The following SCARB2 variants were observed in gnomAD, a reference collection of about 807,000 sequenced individuals.
SCARB2 encodes the protein lysosome membrane protein 2.
In SCARB2, 29 loss-of-function variants were observed where a neutral mutation model predicts 58.6. The observed-to-expected ratio is 0.49, with a 90% CI of 0.37 to 0.67. SCARB2 has a LOEUF of 0.67. Ranked by LOEUF, SCARB2 falls within the 30% of genes least tolerant of loss-of-function variation. SCARB2 has a pLI of 0.00. For synonymous variants in SCARB2, 195 were observed against 210.1 expected, an observed-to-expected ratio of 0.93 and a Z score of 0.62; for missense variants, 488 against 578.5, an observed-to-expected ratio of 0.84 and a Z score of 1.60.
At chr4:76,227,278 T>C (rs1394391232) in intron 1 of SCARB2, among the ~76,000 whole-genome samples, 1 of 152,214 alleles carries the variant, frequency 6.6e-6, no homozygotes, top group African/African-American at 2.4e-5. Context: ...TCATTGTTGT[T>C]CCAAAGATCA....
chr4:76,166,550 A>G (rs1358626457), intron 9 of SCARB2: 6 of 572,866 alleles, frequency 1.0e-5, no homozygotes, highest in African/African-American at 7.5e-5. Context: ...AATGATGACT[A>G]GTCTCCTTAG....
At position 76,227,884 on chromosome 4, in the gene SCARB2, C is replaced by CT. The variant is rs1473033570; in HGVS notation, c.-358+6418dup. On this transcript the variant is annotated intron_variant, in intron 1 of 11. Transcript: ENST00000638295. ...TTTGGTGTTCATTTGCCTAGAATAT[C>CT]TTTTTCTAGCCCATTACATTAAGTT... Among the ~76,000 whole-genome samples the CT allele has an allele frequency of 5.3e-5, 8 of 152,240 alleles. No homozygotes were observed. In the East Asian group the frequency reaches 9.6e-4, roughly 18 times the overall value.
chr4:76,166,304 A>T lies in SCARB2; in HGVS notation c.1188-3T>A. On this transcript the variant is annotated splice_polypyrimidine_tract_variant and splice_region_variant and intron_variant, in intron 9 of 11. Coordinates refer to ENST00000264896, the MANE Select transcript of SCARB2 (RefSeq NM_005506.4). Reference sequence around the variant, plus strand: ...TGGTTCTAATGTCTCCCGTTTCACTACAAAGACAAAGGATGAGATTGTTTC... The same window carrying T: ...TGGTTCTAATGTCTCCCGTTTCACTTCAAAGACAAAGGATGAGATTGTTTC... 1 of 1,614,036 alleles carries T rather than the reference A, an allele frequency of 6.2e-7. No homozygotes were observed. The highest frequency in any genetic ancestry group is 1.1e-5 in the South Asian group (1 of 91,078).
chr4:76,216,391 C>G (rs900704267), upstream of SCARB2, among the ~76,000 whole-genome samples: 2 of 152,178 alleles, frequency 1.3e-5, no homozygotes, highest in African/African-American at 4.8e-5. Flanking sequence ...AACTTCCACC[C>G]CCTACTCTCT....
In SCARB2 at chr4:76,221,349, G is replaced by A. The variant is rs113760979; in HGVS notation, c.-358+12954C>T. ...TTTGGCATGGGGGAGATGAAGTTTCGCTCTTGTTGCTCAGGATGGAGTGCA... is the reference window on the plus strand; with the variant it reads ...TTTGGCATGGGGGAGATGAAGTTTCACTCTTGTTGCTCAGGATGGAGTGCA... On this transcript the variant is annotated intron_variant, in intron 1 of 11. Coordinates refer to the SCARB2 transcript ENST00000638295. Among the ~76,000 whole-genome samples the A allele has an allele frequency of 1.0e-3, 153 of 152,118 alleles. 1 individual carries two copies. Among genetic ancestry groups the A allele is most frequent in the African/African-American group, 3.5e-3 (144 of 41,476 alleles).
chr4:76,218,360 G>A (rs766325836), upstream of SCARB2, among the ~76,000 whole-genome samples: 112 of 152,278 alleles, frequency 7.4e-4, 1 homozygote, highest in Non-Finnish European at 1.2e-3. Context: ...TCATTCCAAA[G>A]TTCTTACATT....
rs570440025 is a variant in SCARB2, at chr4:76,198,882, G to A, written c.118-3018C>T. ...TGTGTGTGTGTGTGTGTGCTCATGC[G>A]AATGCACTAAGTAGGAAGAGAGATG... On this transcript the variant is annotated intron_variant, in intron 1 of 11. Coordinates refer to ENST00000264896, the MANE Select transcript of SCARB2 (RefSeq NM_005506.4). Among the ~76,000 whole-genome samples the A allele has an allele frequency of 7.3e-5, 11 of 150,228 alleles. No individual in the cohort carries two copies. In the East Asian group the frequency reaches 8.0e-4, roughly 11 times the overall value.
chr4:76,179,495 C>T (rs746287401), intron 4 of SCARB2, 22 bp downstream of exon 4: 2 of 1,587,472 alleles, frequency 1.3e-6, no homozygotes, highest in African/African-American at 2.7e-5. Context: ...AAAAGAGGTT[C>T]TGAAAAGAAA....
At chr4:76,176,725 C>A in intron 4 of SCARB2, 197 bp from the exon 5 acceptor site, 1 of 555,454 alleles carries the variant, frequency 1.8e-6, no homozygotes, top group Non-Finnish European at 3.2e-6. Flanking sequence ...GGGCCCCCTC[C>A]AATCTGTTCA....
rs1731868612 is a variant in SCARB2 at position 76,160,220 on chromosome 4, T to A, written c.*1493A>T. The A allele has an allele frequency of 6.6e-6, 1 of 152,202 alleles. No individual in the cohort carries two copies. Among genetic ancestry groups the A allele is most frequent in the Admixed American group, 6.5e-5 (1 of 15,286 alleles). The allele number at this position is 152,202 out of a possible 1,614,324, so 9.4% of individuals were successfully genotyped here. ...GAAGCTATGGAAATGAAATCTATATTTTTTTCTTCATTTGCTTACATTGAA... is the reference window on the plus strand; with the variant it reads ...GAAGCTATGGAAATGAAATCTATATATTTTTCTTCATTTGCTTACATTGAA... On this transcript the variant is annotated 3_prime_UTR_variant, in exon 12 of 12. Coordinates refer to ENST00000264896, the MANE Select transcript of SCARB2 (RefSeq NM_005506.4).
At chr4:76,183,567 T>A (rs1248164800) in intron 2 of SCARB2, among the ~76,000 whole-genome samples, 2 of 151,960 alleles carry the variant, frequency 1.3e-5, no homozygotes, top group Non-Finnish European at 2.9e-5. Context: ...CTCTGCAGGC[T>A]CGCTACTCTC....
At chr4:76,202,569 C>T (rs967232679) in intron 1 of SCARB2, among the ~76,000 whole-genome samples, 1 of 152,096 alleles carries the variant, frequency 6.6e-6, no homozygotes, top group Middle Eastern at 3.2e-3. Flanking sequence ...CCTGTTGTTA[C>T]TTTAAATCAG....
Position 76,161,738 on chromosome 4 carries a change from T to A in SCARB2, c.1412A>T (p.Glu471Val), listed in dbSNP as rs755903502. 20 of 1,614,170 alleles carry A rather than the reference T, an allele frequency of 1.2e-5. No individual in the cohort carries two copies. In the Admixed American group the frequency reaches 1.3e-4, roughly 11 times the overall value. ...QGSMDEGTAD[E>V]RAPLIRT ...TTAGGTTCGAATGAGGGGTGCTCTT[T>A]CATCCGCTGTTCCCTGAAACACAGA... Residue 471 changes from glutamate to valine, a missense_variant, in exon 12 of 12, where the codon GAA becomes GTA. Physicochemically the swap from Glu to Val is moderately radical, Grantham distance 121 (BLOSUM62 -2). Transcript: ENST00000264896.
intron 2 of SCARB2, chr4:76,194,666 T>C (rs1232342968): frequency 6.6e-6 from 1 of 152,208 alleles, no homozygotes; most frequent in African/African-American, 2.4e-5. Context: ...TTCAGCAGTT[T>C]TGAAAAAGAA....
intron 1 of SCARB2, among the ~76,000 whole-genome samples, chr4:76,221,967 T>G (rs910371163): frequency 3.3e-5 from 5 of 152,342 alleles, no homozygotes; most frequent in Middle Eastern, 3.4e-3. Context: ...GTTGTGGAAT[T>G]CATCCCAAAC....
At chr4:76,163,848 G>A (rs1220637783) in intron 10 of SCARB2, 2 of 239,172 alleles carry the variant, frequency 8.4e-6, no homozygotes, top group Non-Finnish European at 1.7e-5. Flanking sequence ...TGAAGTCCCT[G>A]AAGGCAAGAC....
rs1417665738 is a variant in SCARB2, at chr4:76,168,448, T to C, written c.1142A>G (p.Lys381Arg). 1.2e-6 allele frequency: 2 copies of C among 1,614,138 alleles called. No individual in the cohort carries two copies. Among genetic ancestry groups the C allele is most frequent in the South Asian group, 1.1e-5 (1 of 91,084 alleles). The change falls in exon 9 of 12, where the codon AAG becomes AGG. Residue 381 changes from lysine (K) to arginine (R), a missense_variant. Coordinates refer to ENST00000264896, the MANE Select transcript of SCARB2 (RefSeq NM_005506.4). ...PLTGIILKAA[K>R]RFQINIYVKK... ...GACATAAATGTTGATTTGGAACCTC[T>C]TGGCTGCTTTTAGGATTATTCCAGT... is the stretch of plus-strand genomic sequence containing the variant.
At chr4:76,179,026 AG>A (rs1180616415) in intron 4 of SCARB2, 2 of 160,794 alleles carry the variant, frequency 1.2e-5, no homozygotes, top group Non-Finnish European at 2.5e-5. Context: ...ACTGCACTCC[AG>A]GGTTTTTGTT....
chr4:76,167,638 A>G (rs1732035347), intron 9 of SCARB2, among the ~76,000 whole-genome samples: 1 of 148,070 alleles, frequency 6.8e-6, no homozygotes, highest in South Asian at 2.2e-4. Flanking sequence ...AAATTAACCA[A>G]TCTCAGGTAT....
Sources: gnomAD v4.1 joint callset for allele counts (sites outside exome capture counted in the v4.1 genomes callset) on GRCh38, gnomAD v4.1.1 for gene constraint, MANE v1.5 for transcripts, NCBI Gene and HGNC (gene_info 2026-07-23, HGNC 2026-07-21) for gene names.